Variants in SEMA5A observed in about 807,000 individuals in gnomAD.
The protein encoded by SEMA5A is semaphorin-5A.
SEMA5A carries 55 observed loss-of-function variants against 135.5 expected under a neutral mutation model. The ratio of observed to expected loss-of-function variants is 0.41; its 90% CI spans 0.33 to 0.51. The LOEUF (loss-of-function observed/expected upper bound fraction) is 0.51. SEMA5A is among the 20% of genes least tolerant of loss of function. The pLI is 0.37. For synonymous variants in SEMA5A, 580 were observed against 546.5 expected (o/e 1.06, Z -0.85); for missense variants, 1,290 against 1,419.9 (o/e 0.91, Z 1.47).
At chr5:9,238,843 C>T (rs906703469) in intron 5 of SEMA5A, among the ~76,000 whole-genome samples, 12 of 152,002 alleles carry the variant, frequency 7.9e-5, no homozygotes, top group African/African-American at 2.7e-4. Context: ...CAGGGATGTG[C>T]GGTAATTCAA....
chr5:9,207,718 C>A (rs1264585537), intron 8 of SEMA5A, among the ~76,000 whole-genome samples: 2 of 151,982 alleles, frequency 1.3e-5, no homozygotes, highest in East Asian at 1.9e-4. Flanking sequence ...GCTTCCAGGG[C>A]AAATCTATTT....
chr5:9,055,672 A>G (rs1307997821), intron 18 of SEMA5A, among the ~76,000 whole-genome samples: 2 of 152,208 alleles, frequency 1.3e-5, no homozygotes, highest in Admixed American at 6.5e-5. Context: ...AAACAAAAAT[A>G]TTTGAACCCA....
intron 2 of SEMA5A, among the ~76,000 whole-genome samples, chr5:9,386,997 A>G (rs191998507): frequency 6.6e-6 from 1 of 152,300 alleles, no homozygotes; most frequent in Non-Finnish European, 1.5e-5. Flanking sequence ...GGAAAGATAA[A>G]TCATCTAGTC....
chr5:9,154,814 G>T, intron 11 of SEMA5A, 119 bp from the exon 12 acceptor site: 1 of 870,144 alleles, frequency 1.1e-6, no homozygotes, highest in South Asian at 1.6e-5. Context: ...AGCCATCTGA[G>T]CATCCTTCAA....
intron 19 of SEMA5A, among the ~76,000 whole-genome samples, chr5:9,052,531 C>A (rs1418430658): frequency 1.3e-5 from 2 of 152,174 alleles, no homozygotes; most frequent in Non-Finnish European, 2.9e-5. Flanking sequence ...GAAAGGGAGT[C>A]TGAAGCTACA....
intron 16 of SEMA5A, among the ~76,000 whole-genome samples, chr5:9,070,497 T>C (rs937761261): frequency 5.9e-5 from 9 of 152,224 alleles, no homozygotes; most frequent in African/African-American, 1.9e-4. Context: ...CATAAACAGA[T>C]TTATAGGATA....
chr5:9,483,467 G>A (rs3777355), intron 1 of SEMA5A, among the ~76,000 whole-genome samples: 43,738 of 151,990 alleles, frequency 0.29, 6,687 homozygotes, highest in East Asian at 0.54. Flanking sequence ...AAAAATACCA[G>A]GCATAACAAA....
chr5:9,172,044 C>T lies in SEMA5A; in HGVS notation c.1274-17349G>A, dbSNP rs953585650. 5.6e-5 allele frequency among the ~76,000 whole-genome samples: 8 copies of T among 143,912 alleles called. No homozygotes were observed. In the East Asian group the frequency reaches 1.5e-3, roughly 26 times the overall value. 94.4% of individuals were successfully genotyped at this position (143,912 alleles called of 152,430 possible). A position where few individuals can be genotyped will look rare whatever the true frequency, so the allele number is the denominator to read the frequency against. ...TGAGGTAGCATTGAGCCTGGGCCCC[C>T]GAGCTCCTGGCATGCCCTGACTCCA... On this transcript the variant is annotated intron_variant, in intron 11 of 22. Transcript: ENST00000382496.
intron 1 of SEMA5A, among the ~76,000 whole-genome samples, chr5:9,446,633 G>A (rs554174275): frequency 2.0e-5 from 3 of 152,052 alleles, no homozygotes; most frequent in African/African-American, 7.2e-5. Context: ...GAAAAAAAGG[G>A]TGTCTGAGAC....
In SEMA5A at chr5:9,359,412, G is replaced by A. The variant is rs562250834; in HGVS notation, c.124+20411C>T. ...GCTATTGTGAGGCATTGTTGAACTT[G>A]ACATTGCTATGCTCAGCTTGGCTTG... On this transcript the variant is annotated intron_variant, in intron 3 of 22. Coordinates refer to ENST00000382496, the MANE Select transcript of SEMA5A (RefSeq NM_003966.3). 7.9e-5 allele frequency among the ~76,000 whole-genome samples: 12 copies of A among 152,336 alleles called. No homozygotes were observed. The South Asian group carries it at 2.3e-3, about 29-fold the overall frequency.
At chr5:9,068,554 G>A (rs756513873) in intron 16 of SEMA5A, among the ~76,000 whole-genome samples, 13 of 152,150 alleles carry the variant, frequency 8.5e-5, no homozygotes, top group African/African-American at 1.2e-4. Context: ...GTCCAGAGAC[G>A]CTCTGTTTTC....
intron 8 of SEMA5A, among the ~76,000 whole-genome samples, chr5:9,210,811 G>A (rs755169369): frequency 1.5e-4 from 23 of 152,112 alleles, no homozygotes; most frequent in Non-Finnish European, 2.8e-4. Context: ...CAGATGACAT[G>A]GATTTGGAGT....
At chr5:9,182,311 G>A (rs763085589) in intron 11 of SEMA5A, among the ~76,000 whole-genome samples, 16 of 152,094 alleles carry the variant, frequency 1.1e-4, no homozygotes, top group Admixed American at 2.0e-4. Context: ...AACATCAGGA[G>A]TCATTCTTAA....
chr5:9,082,804 C>A (rs1317190541), intron 16 of SEMA5A, among the ~76,000 whole-genome samples: 1 of 152,136 alleles, frequency 6.6e-6, no homozygotes, highest in African/African-American at 2.4e-5. Flanking sequence ...ATCCTTTCTT[C>A]CTAGAAAATG....
At chr5:9,228,164 T>G (rs1470789833) in intron 6 of SEMA5A, among the ~76,000 whole-genome samples, 1 of 152,118 alleles carries the variant, frequency 6.6e-6, no homozygotes, top group Non-Finnish European at 1.5e-5. Context: ...GAGCTGTCCA[T>G]GCACTGTAAT....
intron 15 of SEMA5A, among the ~76,000 whole-genome samples, chr5:9,114,467 G>A (rs76199305): frequency 6.6e-6 from 1 of 151,814 alleles, no homozygotes; most frequent in Non-Finnish European, 1.5e-5. Context: ...TGTTTTTTTT[G>A]TGTGTGTGTG....
At chr5:9,062,449 A>G (rs1737234352) in intron 18 of SEMA5A, among the ~76,000 whole-genome samples, 1 of 152,154 alleles carries the variant, frequency 6.6e-6, no homozygotes, top group African/African-American at 2.4e-5. Flanking sequence ...GACATCACAC[A>G]AGACATTTAT....
intron 6 of SEMA5A, among the ~76,000 whole-genome samples, chr5:9,235,570 T>A (rs1579679615): frequency 6.7e-6 from 1 of 150,284 alleles, no homozygotes; most frequent in East Asian, 2.1e-4. Context: ...AGTGTTAAGA[T>A]CGGACGAGGA....
intron 2 of SEMA5A, among the ~76,000 whole-genome samples, chr5:9,383,929 A>G (rs1157555381): frequency 6.6e-6 from 1 of 152,236 alleles, no homozygotes; most frequent in Non-Finnish European, 1.5e-5. Flanking sequence ...AGGGGAAATG[A>G]CACATATAGA....
Sources: allele counts gnomAD v4.1 joint callset (sites outside exome capture counted in the v4.1 genomes callset), GRCh38; gene constraint gnomAD v4.1.1; transcripts MANE v1.5; gene names NCBI Gene and HGNC (gene_info 2026-07-23, HGNC 2026-07-21).